Variants in COL23A1 observed in about 807,000 individuals in gnomAD.
COL23A1 encodes collagen alpha-1(XXIII) chain.
Under a neutral mutation model 99.3 loss-of-function variants are expected in COL23A1, and 97 were observed. The ratio of observed to expected loss-of-function variants is 0.98; its 90% CI spans 0.83 to 1.16. COL23A1 has a LOEUF of 1.16. Ranked by LOEUF, COL23A1 falls within the 50% of genes most tolerant of loss-of-function variation. COL23A1 has a pLI of 0.00. For synonymous variants in COL23A1, 320 were observed against 308.2 expected, an observed-to-expected ratio of 1.04 and a Z score of -0.40; for missense variants, 762 against 757.4, an observed-to-expected ratio of 1.01 and a Z score of -0.07.
chr5:178,363,721 G>A (rs1210521933), intron 2 of COL23A1, among the ~76,000 whole-genome samples: 1 of 152,200 alleles, frequency 6.6e-6, no homozygotes, highest in African/African-American at 2.4e-5. Context: ...GTCGGCTGCA[G>A]GTCTGACACT....
intron 2 of COL23A1, among the ~76,000 whole-genome samples, chr5:178,403,527 G>A (rs1764585858): frequency 6.6e-6 from 1 of 152,200 alleles, no homozygotes; most frequent in South Asian, 2.1e-4. Flanking sequence ...CAGAGGCCCC[G>A]GTGCCTGGCC....
At chr5:178,440,616 CTT>C (rs746471784) in intron 2 of COL23A1, among the ~76,000 whole-genome samples, 1 of 142,042 alleles carries the variant, frequency 7.0e-6, no homozygotes. Flanking sequence ...TTTCATCTTT[CTT>C]TTTTTTTTTT....
intron 2 of COL23A1, among the ~76,000 whole-genome samples, chr5:178,459,744 A>G (rs1487897033): frequency 6.6e-6 from 1 of 152,210 alleles, no homozygotes; most frequent in Non-Finnish European, 1.5e-5. Context: ...CCTGGGTGAC[A>G]AAGCAAGATG....
At chr5:178,368,634 A>T (rs928956737) in intron 2 of COL23A1, among the ~76,000 whole-genome samples, 9 of 152,190 alleles carry the variant, frequency 5.9e-5, no homozygotes, top group Admixed American at 5.9e-4. Context: ...TGAGCAGGGG[A>T]AGAGTGGGGC....
chr5:178,446,542 A>T (rs1767167846), intron 2 of COL23A1, among the ~76,000 whole-genome samples: 1 of 152,110 alleles, frequency 6.6e-6, no homozygotes, highest in African/African-American at 2.4e-5. Flanking sequence ...TTAGGAGAAA[A>T]AATTTTTTTT....
chr5:178,499,830 C>T (rs1209461541), intron 2 of COL23A1, among the ~76,000 whole-genome samples: 1 of 152,112 alleles, frequency 6.6e-6, no homozygotes, highest in African/African-American at 2.4e-5. Flanking sequence ...AAAGGATAAA[C>T]AAATTGTGTT....
At chr5:178,274,984 GT>G (rs1756505069) in intron 5 of COL23A1, among the ~76,000 whole-genome samples, 1 of 152,248 alleles carries the variant, frequency 6.6e-6, no homozygotes, top group Non-Finnish European at 1.5e-5. Context: ...GCTCCGGGAT[GT>G]TTCCGGATGT....
At chr5:178,290,668 T>C (rs746983604) in intron 3 of COL23A1, among the ~76,000 whole-genome samples, 16 of 152,216 alleles carry the variant, frequency 1.1e-4, no homozygotes, top group Non-Finnish European at 1.9e-4. Flanking sequence ...GAGTAGGAAT[T>C]GGAACATGTT....
chr5:178,460,847 G>T (rs1339319699), intron 2 of COL23A1, among the ~76,000 whole-genome samples: 1 of 152,216 alleles, frequency 6.6e-6, no homozygotes, highest in Non-Finnish European at 1.5e-5. Context: ...AGACCATGCT[G>T]CCCTGTGGTC....
At chr5:178,586,985 C>T (rs753518328) in intron 1 of COL23A1, among the ~76,000 whole-genome samples, 7 of 152,230 alleles carry the variant, frequency 4.6e-5, no homozygotes, top group Non-Finnish European at 8.8e-5. Context: ...GGAAGGCCAA[C>T]AGCCAACAAT....
chr5:178,254,273 C>T (rs950596794), intron 16 of COL23A1, among the ~76,000 whole-genome samples: 15 of 127,786 alleles, frequency 1.2e-4, no homozygotes, highest in Middle Eastern at 4.2e-3. Context: ...GGCCATGCCA[C>T]GCCACACCAC....
chr5:178,378,036 C>T (rs1285368196), intron 2 of COL23A1: 1 of 152,182 alleles, frequency 6.6e-6, no homozygotes, highest in African/African-American at 2.4e-5. Context: ...TGAGTGTGCA[C>T]AGTAAGTTTG....
Position 178,309,789 on chromosome 5 carries a change from C to A in COL23A1, c.362-2870G>T, listed in dbSNP as rs1000296684. Among the ~76,000 whole-genome samples the A allele has an allele frequency of 2.6e-5, 4 of 152,094 alleles. No homozygotes were observed. Among genetic ancestry groups the A allele is most frequent in the African/African-American group, 9.7e-5 (4 of 41,408 alleles). On this transcript the variant is annotated intron_variant, in intron 2 of 28. Transcript: ENST00000390654. The surrounding 1 kb of genome is among the most constrained non-coding windows in gnomAD (Gnocchi z 4.7). ...GGCGAACGCTGCCCCTGCACTCAGT[C>A]CCCCACTCTGCCACTCGCTCTGCTG...
At chr5:178,441,367 A>G (rs1308516238) in intron 2 of COL23A1, among the ~76,000 whole-genome samples, 2 of 152,214 alleles carry the variant, frequency 1.3e-5, no homozygotes. Context: ...GCCTAAAAAT[A>G]CTAATAAAAT....
At chr5:178,526,223 TA>T (rs1291206365) in intron 2 of COL23A1, among the ~76,000 whole-genome samples, 1 of 152,216 alleles carries the variant, frequency 6.6e-6, no homozygotes, top group Non-Finnish European at 1.5e-5. Context: ...CTTCCAGTAG[TA>T]CCCTTCTGGC....
chr5:178,370,487 G>A (rs1403929994), intron 2 of COL23A1, among the ~76,000 whole-genome samples: 1 of 152,144 alleles, frequency 6.6e-6, no homozygotes, highest in Non-Finnish European at 1.5e-5. Context: ...GAAGCAGAGA[G>A]GCTTCAGAAA....
intron 17 of COL23A1, 65 bp downstream of exon 17, chr5:178,252,479 A>T: frequency 1.4e-6 from 2 of 1,462,230 alleles, no homozygotes; most frequent in Non-Finnish European, 1.9e-6. Flanking sequence ...CAGAGCAGAC[A>T]GGAAGAGGGA....
intron 5 of COL23A1, among the ~76,000 whole-genome samples, chr5:178,286,107 G>C (rs981419322): frequency 6.6e-6 from 1 of 152,256 alleles, no homozygotes; most frequent in Non-Finnish European, 1.5e-5. Flanking sequence ...ATGGGGGTCT[G>C]TGTGTAAGCT....
chr5:178,345,028 A>T, intron 2 of COL23A1: 1 of 580,514 alleles, frequency 1.7e-6, no homozygotes, highest in East Asian at 4.3e-5. Flanking sequence ...GATACTCACC[A>T]CCTGGAGATC....
Sources: allele counts gnomAD v4.1 joint callset (sites outside exome capture counted in the v4.1 genomes callset), GRCh38; gene constraint gnomAD v4.1.1; non-coding constraint Gnocchi (gnomAD v3.1); transcripts MANE v1.5; gene names NCBI Gene and HGNC (gene_info 2026-07-23, HGNC 2026-07-21).